SKIL: variants seen among roughly 807,000 people sequenced by gnomAD.
SKIL encodes SKI like proto-oncogene.
Under a neutral mutation model 69.6 loss-of-function variants are expected in SKIL, and 20 were observed. The ratio of observed to expected loss-of-function variants is 0.29; its 90% confidence interval spans 0.20 to 0.42. SKIL has a LOEUF of 0.42. Among genes scored for constraint, SKIL ranks in the 10% least tolerant of loss-of-function variants. The pLI is 1.00. For missense variants in SKIL, 745 were observed against 783.1 expected (o/e 0.95, Z 0.58); for synonymous variants, 310 against 279.9 (o/e 1.11, Z -1.08).
intron 2 of SKIL, among the ~76,000 whole-genome samples, chr3:170,367,962 G>A (rs1375994315): frequency 6.6e-6 from 1 of 151,772 alleles, no homozygotes; most frequent in Non-Finnish European, 1.5e-5. Context: ...TTGCATTTTC[G>A]TTTCACTTCT....
At chr3:170,384,449 C>A (rs1737515706) in intron 3 of SKIL, 84 bp from the exon 4 acceptor site, 1 of 614,704 alleles carries the variant, frequency 1.6e-6, no homozygotes, top group Non-Finnish European at 2.8e-6. Flanking sequence ...AAAAGTTTAA[C>A]CACAGAAATG....
In SKIL at chr3:170,367,874, A is replaced by G. The variant is rs188325084; in HGVS notation, c.1098+6445A>G. On this transcript the variant is annotated intron_variant, in intron 2 of 6. Coordinates refer to ENST00000259119, the MANE Select transcript of SKIL (RefSeq NM_005414.5). Reference sequence around the variant, plus strand: ...AAAATCTCTATAGATTACTTATGATACAAACAGATGACCTAAAGATAGCAA... The same window carrying G: ...AAAATCTCTATAGATTACTTATGATGCAAACAGATGACCTAAAGATAGCAA... Among the ~76,000 whole-genome samples the G allele has an allele frequency of 2.6e-5, 4 of 152,340 alleles. No individual in the cohort carries two copies. The East Asian group carries it at 7.7e-4, about 29-fold the overall frequency.
intron 2 of SKIL, among the ~76,000 whole-genome samples, chr3:170,364,313 T>C (rs1258693965): frequency 0.02 from 20 of 1,004 alleles, no homozygotes; most frequent in Middle Eastern, 0.17. Context: ...GCTCCCGTCT[T>C]TTTTTTTTTT....
chr3:170,396,194 ATTAGT>A lies in SKIL; in HGVS notation c.*3781_*3785del, dbSNP rs1299212144. ...CCCAGAAAACAAAATAGTGTATTAA[ATTAGT>A]TTAATGTAAAAGGAATTTATAAGAT... On this transcript the variant is annotated 3_prime_UTR_variant, in exon 7 of 7. Coordinates refer to ENST00000259119, the MANE Select transcript of SKIL (RefSeq NM_005414.5). 6.6e-6 allele frequency: 1 copy of A among 152,116 alleles called. No homozygotes were observed. The highest frequency in any genetic ancestry group is 2.4e-5 in the African/African-American group (1 of 41,468). The allele number at this position is 152,116 out of a possible 1,614,324, so 9.4% of individuals were successfully genotyped here. A position where few individuals can be genotyped will look rare whatever the true frequency, so the allele number is the denominator to read the frequency against.
chr3:170,386,694 T>C (rs529445897), intron 4 of SKIL, among the ~76,000 whole-genome samples: 184 of 152,264 alleles, frequency 1.2e-3, no homozygotes, highest in Non-Finnish European at 1.9e-3. Flanking sequence ...GGCATTAAGC[T>C]CTTAGCCTCA....
At chr3:170,387,299 A>G (rs1737685411) in intron 4 of SKIL, among the ~76,000 whole-genome samples, 1 of 152,112 alleles carries the variant, frequency 6.6e-6, no homozygotes, top group Non-Finnish European at 1.5e-5. Context: ...CATCACTCCA[A>G]AAATTAACCC....
Position 170,384,961 on chromosome 3 carries a change from A to G in SKIL, c.1429+196A>G, listed in dbSNP as rs146054182. The G allele has an allele frequency of 4.4e-3, 1,928 of 435,442 alleles. 85 individuals are homozygous for G. The Admixed American group carries it at 0.065, about 15-fold the overall frequency. 27.0% of individuals were successfully genotyped at this position (435,442 alleles called of 1,614,324 possible). A position where few individuals can be genotyped will look rare whatever the true frequency, so the allele number is the denominator to read the frequency against. On this transcript the variant is annotated intron_variant, in intron 4 of 6. Coordinates refer to ENST00000259119, the MANE Select transcript of SKIL (RefSeq NM_005414.5). ...TACTTTTCTAGCGTGGTGATAGCTCAGGAGACTGAGATAGATACAGGCTAC... is the reference window on the plus strand; with the variant it reads ...TACTTTTCTAGCGTGGTGATAGCTCGGGAGACTGAGATAGATACAGGCTAC...
chr3:170,364,312 T>C (rs13091978), intron 2 of SKIL, among the ~76,000 whole-genome samples: 13 of 744 alleles, frequency 0.017, no homozygotes, highest in Non-Finnish European at 0.032. Flanking sequence ...TGCTCCCGTC[T>C]TTTTTTTTTT....
chr3:170,364,073 TC>T (rs1736374957), intron 2 of SKIL, among the ~76,000 whole-genome samples: 1 of 151,936 alleles, frequency 6.6e-6, no homozygotes, highest in African/African-American at 2.4e-5. Context: ...GCCTCAGTCT[TC>T]CGAGTAGCTG....
At position 170,381,285 on chromosome 3, in the gene SKIL, T is replaced by C; in HGVS notation, c.1140T>C (p.Pro380=). 6.2e-7 allele frequency: 1 copy of C among 1,601,082 alleles called. No individual in the cohort carries two copies. Among genetic ancestry groups the C allele is most frequent in the Non-Finnish European group, 8.6e-7 (1 of 1,168,132 alleles). The change falls in exon 3 of 7, where the codon CCT becomes CCC. Residue 380 remains proline, a synonymous_variant. Coordinates refer to ENST00000259119, the MANE Select transcript of SKIL (RefSeq NM_005414.5). ...GAATGGAATTACAGTCATGGTATCCTGTTATAAAGCAGGAAGGTGACCATG... is the reference window on the plus strand; with the variant it reads ...GAATGGAATTACAGTCATGGTATCCCGTTATAAAGCAGGAAGGTGACCATG... ...PSGMELQSWY[P]VIKQEGDHVS... is the part of the protein sequence containing the mutation.
intron 2 of SKIL, among the ~76,000 whole-genome samples, chr3:170,378,551 C>A (rs200376754): frequency 2.1e-5 from 1 of 48,518 alleles, no homozygotes; most frequent in Admixed American, 2.5e-4. Flanking sequence ...CTCTCTCTCT[C>A]TCTTTTTTTT....
intron 2 of SKIL, among the ~76,000 whole-genome samples, chr3:170,363,780 C>T (rs959536695): frequency 6.6e-6 from 1 of 152,144 alleles, no homozygotes; most frequent in Non-Finnish European, 1.5e-5. Flanking sequence ...CCACTGCTCT[C>T]GGCCTATTAA....
At position 170,391,091 on chromosome 3, in the gene SKIL, A is replaced by G. The variant is rs1261646982; in HGVS notation, c.1727A>G (p.Gln576Arg). The G allele has an allele frequency of 1.9e-6, 3 of 1,610,086 alleles. No homozygotes were observed. The Admixed American group carries it at 5.0e-5, about 27-fold the overall frequency. ...ATGAAGGAACTCACTGAAGAACAGC[A>G]GAATTTACAGAAAGAGCTTGAATCT... ...KSMKELTEEQ[Q>R]NLQKELESLQ... is the part of the protein sequence containing the mutation. Residue 576 changes from glutamine (Q) to arginine (R), a missense_variant, in exon 6 of 7, where the codon CAG becomes CGG. By Grantham distance (43) the Gln-to-Arg change is conservative. Transcript: ENST00000259119.
At chr3:170,373,085 A>T (rs986764071) in intron 2 of SKIL, among the ~76,000 whole-genome samples, 1 of 148,334 alleles carries the variant, frequency 6.7e-6, no homozygotes, top group Non-Finnish European at 1.5e-5. Context: ...CAACCTCCAC[A>T]TCCCAGGTTC....
Position 170,360,989 on chromosome 3 carries a change from C to G in SKIL, c.658C>G (p.Leu220Val). The change falls in exon 2 of 7, where the codon CTG becomes GTG. Residue 220 changes from leucine to valine, a missense_variant. Transcript: ENST00000259119. The stretch of plus-strand genomic sequence containing the variant: ...TCCATTCAATGCCCCATCCTGTGGG[C>G]TGATTACATTAACTGATGCACAAAG... ...ILPFNAPSCG[L>V]ITLTDAQRLC... 1.2e-6 allele frequency: 2 copies of G among 1,614,140 alleles called. No individual in the cohort carries two copies. The highest frequency in any genetic ancestry group is 1.1e-5 in the South Asian group (1 of 91,084).
In SKIL at chr3:170,360,972, A is replaced by G. The variant is rs752596617; in HGVS notation, c.641A>G (p.Asn214Ser). The change falls in exon 2 of 7, where the codon AAT (asparagine) becomes AGT (serine). Residue 214 changes from asparagine (N) to serine (S), a missense_variant. Physicochemically the swap from Asn to Ser is conservative, Grantham distance 46. Transcript: ENST00000259119. Reference protein sequence around the residue: ...ILKVLGILPFNAPSCGLITLT... With the variant: ...ILKVLGILPFSAPSCGLITLT... ...AAGGTACTGGGCATACTTCCATTCA[A>G]TGCCCCATCCTGTGGGCTGATTACA... 34 of 1,614,072 alleles carry G rather than the reference A, an allele frequency of 2.1e-5. No individual in the cohort carries two copies. The highest frequency in any genetic ancestry group is 3.3e-5 in the Admixed American group (2 of 60,000).
At chr3:170,386,992 G>A (rs1021078250) in intron 4 of SKIL, among the ~76,000 whole-genome samples, 2 of 151,952 alleles carry the variant, frequency 1.3e-5, no homozygotes, top group African/African-American at 4.8e-5. Context: ...AACCATCACA[G>A]CTAATTTAGT....
At position 170,396,091 on chromosome 3, in the gene SKIL, G is replaced by C. The variant is rs555883506; in HGVS notation, c.*3674G>C. 5.4e-5 allele frequency: 8 copies of C among 148,896 alleles called. No homozygotes were observed. The South Asian group carries it at 1.7e-3, about 31-fold the overall frequency. The allele number at this position is 148,896 out of a possible 1,614,324, so 9.2% of individuals were successfully genotyped here. Reference sequence around the variant, plus strand: ...GTAATTTGGAGCCTATTTAGTAATAGAATTAAATGTCCTATGTAGTGCTAC... The same window carrying C: ...GTAATTTGGAGCCTATTTAGTAATACAATTAAATGTCCTATGTAGTGCTAC... On this transcript the variant is annotated 3_prime_UTR_variant, in exon 7 of 7. Coordinates refer to ENST00000259119, the MANE Select transcript of SKIL (RefSeq NM_005414.5).
chr3:170,371,600 C>G (rs895881575), intron 2 of SKIL, among the ~76,000 whole-genome samples: 3 of 152,198 alleles, frequency 2.0e-5, no homozygotes, highest in African/African-American at 4.8e-5. Context: ...GTTTTTCTAA[C>G]TGCAATTTGT....
Sources: gnomAD v4.1 joint callset for allele counts (sites outside exome capture counted in the v4.1 genomes callset) on GRCh38, gnomAD v4.1.1 for gene constraint, MANE v1.5 for transcripts, NCBI Gene and HGNC (gene_info 2026-07-23, HGNC 2026-07-21) for gene names.